FOXN3: variants seen among roughly 807,000 people sequenced by gnomAD.
FOXN3 encodes forkhead box N3, also known as forkhead box protein N3.
Under a neutral mutation model 38.4 loss-of-function variants are expected in FOXN3, and 7 were observed. The observed-to-expected ratio is 0.18, with a 90% CI of 0.10 to 0.34. The LOEUF (loss-of-function observed/expected upper bound fraction) is 0.34, where lower values mean the gene tolerates loss of function less well. FOXN3 is among the 10% of genes least tolerant of loss of function. The pLI, the probability that FOXN3 is intolerant of heterozygous loss-of-function variation, is 1.00. For synonymous variants in FOXN3, 230 were observed against 242.2 expected (o/e 0.95, Z 0.47); for missense variants, 456 against 613.4 (o/e 0.74, Z 2.71).
At position 89,412,805 on chromosome 14, in the gene FOXN3, G is replaced by A. The variant is rs548334433; in HGVS notation, c.-14-315C>T. Among the ~76,000 whole-genome samples the A allele has an allele frequency of 1.3e-5, 2 of 152,204 alleles. No homozygotes were observed. Among genetic ancestry groups the A allele is most frequent in the South Asian group, 2.1e-4 (1 of 4,822 alleles). On this transcript the variant is annotated intron_variant, in intron 1 of 5. Coordinates refer to ENST00000557258, the MANE Select transcript of FOXN3 (RefSeq NM_005197.4). This position sits in a 1 kb window ranked among gnomAD's most constrained non-coding sequence, Gnocchi z 4.7. ...TCCCAGCACTTTGGGAGGCTGAGGC[G>A]GGACGATTGCTTGAGACCAGGAGAC... is the stretch of plus-strand genomic sequence containing the variant.
chr14:89,249,537 C>A (rs180793254), intron 4 of FOXN3, among the ~76,000 whole-genome samples: 1 of 152,198 alleles, frequency 6.6e-6, no homozygotes, highest in Admixed American at 6.5e-5. Context: ...AGGAATGAAA[C>A]AATAACTTCC....
intron 1 of FOXN3, among the ~76,000 whole-genome samples, chr14:89,503,262 A>G (rs761952010): frequency 5.3e-5 from 8 of 152,184 alleles, no homozygotes; most frequent in Non-Finnish European, 1.0e-4. Context: ...AATACACTGG[A>G]AACATTGTTC....
chr14:89,180,185 G>A (rs1386222012), intron 5 of FOXN3, among the ~76,000 whole-genome samples: 1 of 152,214 alleles, frequency 6.6e-6, no homozygotes, highest in African/African-American at 2.4e-5. Flanking sequence ...TTGGCAGCTG[G>A]CCTCATTCTT....
Position 89,446,539 on chromosome 14 carries a change from A to G in FOXN3, c.-14-34049T>C, listed in dbSNP as rs536147603. ...ACAAAAATCATAATGACCACTGTGGACAACTTAGAAAAGAGTTTTTCTATT... is the reference window on the plus strand; with the variant it reads ...ACAAAAATCATAATGACCACTGTGGGCAACTTAGAAAAGAGTTTTTCTATT... On this transcript the variant is annotated intron_variant, in intron 1 of 6. Transcript: ENST00000345097. Among the ~76,000 whole-genome samples the G allele has an allele frequency of 5.3e-5, 8 of 152,302 alleles. No individual in the cohort carries two copies. In the South Asian group the frequency reaches 1.0e-3, roughly 20 times the overall value.
intron 5 of FOXN3, among the ~76,000 whole-genome samples, chr14:89,179,307 T>C (rs955578871): frequency 6.6e-6 from 1 of 152,222 alleles, no homozygotes; most frequent in Admixed American, 6.5e-5. Context: ...CGACTTGTCC[T>C]GACAACAGCA....
intron 3 of FOXN3, chr14:89,291,070 C>G: frequency 2.0e-6 from 1 of 496,696 alleles, no homozygotes. Flanking sequence ...CTCACCCAAT[C>G]CACACGGTGT....
chr14:89,230,766 C>T (rs1884782616), intron 4 of FOXN3: 2 of 400,354 alleles, frequency 5.0e-6, no homozygotes, highest in Admixed American at 2.8e-5. Context: ...AATAGATAAA[C>T]AAACATTCTT....
At chr14:89,401,371 G>C (rs111693557) in intron 2 of FOXN3, among the ~76,000 whole-genome samples, 25,086 of 152,156 alleles carry the variant, frequency 0.16, 2,103 homozygotes, top group Non-Finnish European at 0.18. Flanking sequence ...GAAGCCAGGA[G>C]GTGGAGGTTG....
chr14:89,271,405 T>C (rs79374333), intron 4 of FOXN3, among the ~76,000 whole-genome samples: 1,735 of 152,376 alleles, frequency 0.011, 17 homozygotes, highest in Non-Finnish European at 0.019. Flanking sequence ...GATCCAAGGT[T>C]GTTTAATCTT....
chr14:89,333,821 C>T (rs1404979015), intron 3 of FOXN3, among the ~76,000 whole-genome samples: 13 of 148,414 alleles, frequency 8.8e-5, no homozygotes, highest in Admixed American at 8.7e-4. Context: ...GGGTATATAT[C>T]CAAAGGAAAT....
chr14:89,539,631 T>C (rs1894757602), intron 1 of FOXN3, among the ~76,000 whole-genome samples: 1 of 152,200 alleles, frequency 6.6e-6, no homozygotes, highest in African/African-American at 2.4e-5. Context: ...TCAGCCTCAG[T>C]TTCCATATCA....
rs1892799635 is a variant in FOXN3 at position 89,459,722 on chromosome 14, TGTGA to T, written c.-14-47236_-14-47233del. Among the ~76,000 whole-genome samples, 5 of 152,214 alleles carry T rather than the reference TGTGA, an allele frequency of 3.3e-5. No homozygotes were observed. In the South Asian group the frequency reaches 1.0e-3, roughly 32 times the overall value. ...CAACTTTCATGGCTTCCCCTGTCTTTGTGAGTGATAACTGGATTTAGAAAGCAGG... is the reference window on the plus strand; with the variant it reads ...CAACTTTCATGGCTTCCCCTGTCTTTGTGATAACTGGATTTAGAAAGCAGG... On this transcript the variant is annotated intron_variant, in intron 1 of 6. Transcript: ENST00000345097.
intron 4 of FOXN3, among the ~76,000 whole-genome samples, chr14:89,222,058 T>C (rs1173704519): frequency 2.6e-5 from 4 of 152,076 alleles, no homozygotes; most frequent in Admixed American, 2.6e-4. Flanking sequence ...CCTCGTGATC[T>C]GCCCGCCTCG....
At chr14:89,575,330 C>T (rs1223393278) in intron 1 of FOXN3, among the ~76,000 whole-genome samples, 2 of 152,132 alleles carry the variant, frequency 1.3e-5, no homozygotes, top group Admixed American at 6.6e-5. Context: ...CCTTGAGATT[C>T]ATGATAGAGA....
intron 4 of FOXN3, among the ~76,000 whole-genome samples, chr14:89,238,804 A>G (rs1885053864): frequency 1.3e-5 from 2 of 152,206 alleles, no homozygotes; most frequent in Non-Finnish European, 2.9e-5. Context: ...CAATGCATTT[A>G]CTCAACTACA....
chr14:89,422,167 T>A (rs1189885712), upstream of FOXN3, among the ~76,000 whole-genome samples: 2 of 152,236 alleles, frequency 1.3e-5, no homozygotes, highest in African/African-American at 4.8e-5. Flanking sequence ...CCACCGCACC[T>A]GGCCCATTAC....
chr14:89,156,667 C>G lies in FOXN3; in HGVS notation c.*5747G>C, dbSNP rs1369876100. 6.7e-6 allele frequency: 1 copy of G among 150,322 alleles called. No individual in the cohort carries two copies. Among genetic ancestry groups the G allele is most frequent in the Middle Eastern group, 3.2e-3 (1 of 316 alleles). The allele number at this position is 150,322 out of a possible 1,614,324, so 9.3% of individuals were successfully genotyped here. A position where few individuals can be genotyped will look rare whatever the true frequency, so the allele number is the denominator to read the frequency against. ...TTTTTTTCTGTAAAACAAAACAAAA[C>G]TCAGAAATGTTACAGAATCAGAGTA... On this transcript the variant is annotated 3_prime_UTR_variant, in exon 6 of 6. Transcript: ENST00000557258.
At chr14:89,331,130 C>T (rs1452342234) in intron 3 of FOXN3, among the ~76,000 whole-genome samples, 2 of 152,178 alleles carry the variant, frequency 1.3e-5, no homozygotes, top group Non-Finnish European at 2.9e-5. Flanking sequence ...CACTGTTGTG[C>T]AACCATCCCT....
Position 89,158,750 on chromosome 14 carries a change from T to C in FOXN3, c.*3664A>G, listed in dbSNP as rs1371907556. The C allele has an allele frequency of 6.6e-6, 1 of 152,634 alleles. No individual in the cohort carries two copies. The highest frequency in any genetic ancestry group is 2.4e-5 in the African/African-American group (1 of 41,454). The allele number at this position is 152,634 out of a possible 1,614,324, so 9.5% of individuals were successfully genotyped here. Reference sequence around the variant, plus strand: ...TAAGAAAAAAAAGAGTGACTGTCTCTTTCTCTTAAATGTATCCGAGGGCCA... The same window carrying C: ...TAAGAAAAAAAAGAGTGACTGTCTCCTTCTCTTAAATGTATCCGAGGGCCA... On this transcript the variant is annotated 3_prime_UTR_variant, in exon 6 of 6. Transcript: ENST00000557258.
Sources: allele counts gnomAD v4.1 joint callset (sites outside exome capture counted in the v4.1 genomes callset), GRCh38; gene constraint gnomAD v4.1.1; non-coding constraint Gnocchi (gnomAD v3.1); transcripts MANE v1.5; gene names NCBI Gene and HGNC (gene_info 2026-07-23, HGNC 2026-07-21).